The following SLC5A8 variants were observed in gnomAD, a reference collection of about 807,000 sequenced individuals.
The protein encoded by SLC5A8 is sodium-coupled monocarboxylate transporter 1.
SLC5A8 carries 55 observed loss-of-function variants against 71.9 expected under a neutral mutation model. The observed-to-expected ratio is 0.77, with a 90% CI of 0.62 to 0.96. The LOEUF is 0.96. SLC5A8 is among the 40% of genes least tolerant of loss of function. The pLI, the probability that SLC5A8 is intolerant of heterozygous loss-of-function variation, is 0.00. For missense variants in SLC5A8, 701 were observed against 745.3 expected, an observed-to-expected ratio of 0.94 and a Z score of 0.69; for synonymous variants, 307 against 276.1, an observed-to-expected ratio of 1.11 and a Z score of -1.11.
chr12:101,161,982 A>AC lies in SLC5A8; in HGVS notation c.1621_1622insG (p.Leu541CysfsTer26), dbSNP rs747243741. ...AATGTTTAGATAGTTACCTGTTGAT[A>AC]AACTGACAAGTATCCCCACTAATAA... On this transcript the variant is annotated frameshift_variant, in exon 13 of 15. Transcript: ENST00000536262. LOFTEE classifies it high-confidence loss of function. 6.2e-7 allele frequency: 1 copy of AC among 1,608,788 alleles called. No individual in the cohort carries two copies. The highest frequency in any genetic ancestry group is 8.5e-7 in the Non-Finnish European group (1 of 1,175,274).
chr12:101,186,942 G>C (rs1289617214), intron 7 of SLC5A8, among the ~76,000 whole-genome samples: 3 of 152,024 alleles, frequency 2.0e-5, no homozygotes, highest in Non-Finnish European at 4.4e-5. Context: ...CACATAGTTG[G>C]TACTCAGTAA....
At chr12:101,163,820 A>T (rs531224889) in intron 12 of SLC5A8, among the ~76,000 whole-genome samples, 1 of 152,310 alleles carries the variant, frequency 6.6e-6, no homozygotes, top group South Asian at 2.1e-4. Context: ...CCCACAGAAA[A>T]ATAGTTACTT....
chr12:101,189,691 C>T (rs1017163455), intron 6 of SLC5A8, among the ~76,000 whole-genome samples: 5 of 152,130 alleles, frequency 3.3e-5, no homozygotes, highest in Admixed American at 2.0e-4. Flanking sequence ...TACCTCTGTG[C>T]GTTCATCCAA....
intron 3 of SLC5A8, among the ~76,000 whole-genome samples, chr12:101,200,926 G>A (rs1271749370): frequency 1.3e-5 from 2 of 152,082 alleles, no homozygotes; most frequent in Non-Finnish European, 2.9e-5. Context: ...AGCATCTATT[G>A]CACACTAAGT....
intron 12 of SLC5A8, among the ~76,000 whole-genome samples, chr12:101,165,060 C>A (rs2051756837): frequency 6.6e-6 from 1 of 152,120 alleles, no homozygotes; most frequent in African/African-American, 2.4e-5. Flanking sequence ...TTTGCACATT[C>A]CCTCCTGCTA....
intron 8 of SLC5A8, among the ~76,000 whole-genome samples, chr12:101,183,249 G>C (rs1222948862): frequency 1.3e-5 from 2 of 151,898 alleles, no homozygotes; most frequent in Admixed American, 6.6e-5. Context: ...GTTTCACTGT[G>C]TTAGCCAGGA....
At chr12:101,200,552 C>G (rs575509596) in intron 3 of SLC5A8, among the ~76,000 whole-genome samples, 1 of 151,518 alleles carries the variant, frequency 6.6e-6, no homozygotes, top group Non-Finnish European at 1.5e-5. Flanking sequence ...TTCTTATAAA[C>G]ACTGAAAAAA....
At position 101,193,794 on chromosome 12, in the gene SLC5A8, T is replaced by A. The variant is rs757447174; in HGVS notation, c.538-15A>T. On this transcript the variant is annotated splice_polypyrimidine_tract_variant and intron_variant, in intron 4 of 14. Coordinates refer to ENST00000536262, the MANE Select transcript of SLC5A8 (RefSeq NM_145913.5). ...TTAAGACCACCCTTTGAGGGGAAAG[T>A]ATATTAGGATTAATGCTTCTATTAG... The A allele has an allele frequency of 6.2e-7, 1 of 1,612,688 alleles. No individual in the cohort carries two copies. The highest frequency in any genetic ancestry group is 2.2e-5 in the East Asian group (1 of 44,876).
intron 10 of SLC5A8, among the ~76,000 whole-genome samples, chr12:101,168,913 G>C (rs1400292257): frequency 2.6e-5 from 4 of 152,202 alleles, no homozygotes; most frequent in Non-Finnish European, 5.9e-5. Flanking sequence ...TGTCCAGAGA[G>C]TAAAGGGGTT....
At position 101,194,999 on chromosome 12, in the gene SLC5A8, G is replaced by A. The variant is rs576582401; in HGVS notation, c.537+96C>T. The A allele has an allele frequency of 4.4e-5, 51 of 1,163,818 alleles. 1 individual carries two copies. The South Asian group carries it at 6.8e-4, about 15-fold the overall frequency. The allele number at this position is 1,163,818 out of a possible 1,614,324, so 72.1% of individuals were successfully genotyped here. ...CAGGAGGTTGGGAATAGGAGAGTAA[G>A]TGTGGACAAACAAGATTGCGGTATA... On this transcript the variant is annotated intron_variant, in intron 4 of 14. Coordinates refer to ENST00000536262, the MANE Select transcript of SLC5A8 (RefSeq NM_145913.5).
intron 10 of SLC5A8, among the ~76,000 whole-genome samples, chr12:101,172,848 G>A (rs1216422838): frequency 6.6e-6 from 1 of 152,146 alleles, no homozygotes; most frequent in Non-Finnish European, 1.5e-5. Context: ...TTTGGCTTAT[G>A]ATGGGCTCTC....
At chr12:101,159,142 C>A (rs1378676599) in intron 13 of SLC5A8, among the ~76,000 whole-genome samples, 1 of 152,066 alleles carries the variant, frequency 6.6e-6, no homozygotes, top group Non-Finnish European at 1.5e-5. Flanking sequence ...GCAGGTAGGA[C>A]CCCTGAAGCC....
chr12:101,203,835 C>T (rs906250830), intron 2 of SLC5A8, among the ~76,000 whole-genome samples: 8 of 152,244 alleles, frequency 5.3e-5, no homozygotes, highest in African/African-American at 1.9e-4. Flanking sequence ...AAAGCATTCT[C>T]TGTCACTGAC....
intron 10 of SLC5A8, among the ~76,000 whole-genome samples, chr12:101,170,609 C>T (rs932123500): frequency 6.6e-6 from 1 of 152,174 alleles, no homozygotes; most frequent in Non-Finnish European, 1.5e-5. Flanking sequence ...TCTCTCTAGA[C>T]ACAGGGCCAG....
chr12:101,170,846 C>T (rs1415630398), intron 10 of SLC5A8, among the ~76,000 whole-genome samples: 1 of 152,162 alleles, frequency 6.6e-6, no homozygotes, highest in Non-Finnish European at 1.5e-5. Context: ...GCCACCTCCT[C>T]CATGATGTCA....
chr12:101,197,843 T>G (rs899619658), intron 3 of SLC5A8, among the ~76,000 whole-genome samples: 1 of 152,076 alleles, frequency 6.6e-6, no homozygotes, highest in African/African-American at 2.4e-5. Context: ...AACTAAACCT[T>G]TGACCTTATA....
At position 101,209,721 on chromosome 12, in the gene SLC5A8, T is replaced by C; in HGVS notation, c.128A>G (p.Lys43Arg). The C allele has an allele frequency of 3.7e-6, 6 of 1,613,074 alleles. No individual in the cohort carries two copies. The highest frequency in any genetic ancestry group is 5.1e-6 in the Non-Finnish European group (6 of 1,179,918). ...AFAGGGQQTS[K>R]DFLMGGRRMT... ...TCTGCGGCCGCCCATCAGGAAGTCC[T>C]TGGAGGTCTGCTGGCCGCCCCCAGC... The change falls in exon 1 of 15, where the codon AAG becomes AGG. Residue 43 changes from lysine to arginine, a missense_variant. Lys to Arg is a conservative substitution (Grantham distance 26, BLOSUM62 2). Transcript: ENST00000536262.
At chr12:101,181,267 G>A (rs1412289879) in intron 9 of SLC5A8, among the ~76,000 whole-genome samples, 1 of 152,004 alleles carries the variant, frequency 6.6e-6, no homozygotes, top group Non-Finnish European at 1.5e-5. Flanking sequence ...CAATTTTAAT[G>A]TAAATAATAT....
In SLC5A8 at chr12:101,179,174, G is replaced by T. The variant is rs1230081304; in HGVS notation, c.1233+855C>A. On this transcript the variant is annotated intron_variant, in intron 10 of 14. Transcript: ENST00000536262. The stretch of plus-strand genomic sequence containing the variant: ...GACACCACTAAATGCTGGAAAGAAT[G>T]AGGTTTAAACTGGGCCATTTGTCTA... Among the ~76,000 whole-genome samples, 3 of 152,246 alleles carry T rather than the reference G, an allele frequency of 2.0e-5. No individual in the cohort carries two copies. The East Asian group carries it at 5.8e-4, about 29-fold the overall frequency.
Sources: gnomAD v4.1 joint callset for allele counts (sites outside exome capture counted in the v4.1 genomes callset) on GRCh38, gnomAD v4.1.1 for gene constraint, MANE v1.5 for transcripts, NCBI Gene and HGNC (gene_info 2026-07-23, HGNC 2026-07-21) for gene names.